The following SUPT3H variants were observed in gnomAD, a reference collection of about 807,000 sequenced individuals.
The protein encoded by SUPT3H is SPT3 homolog, SAGA and STAGA complex component, also known as transcription initiation protein SPT3 homolog.
Under a neutral mutation model 44.3 loss-of-function variants are expected in SUPT3H, and 44 were observed. The ratio of observed to expected loss-of-function variants is 0.99; its 90% CI spans 0.78 to 1.28. The LOEUF (loss-of-function observed/expected upper bound fraction) is 1.28, where lower values mean the gene tolerates loss of function less well. Ranked by LOEUF, SUPT3H falls within the 50% of genes most tolerant of loss-of-function variation. SUPT3H has a pLI of 0.00. For missense variants in SUPT3H, 380 were observed against 387.1 expected, an observed-to-expected ratio of 0.98 and a Z score of 0.15; for synonymous variants, 124 against 125.6, an observed-to-expected ratio of 0.99 and a Z score of 0.09.
At chr6:45,070,145 C>T (rs1794146871) in intron 3 of SUPT3H, among the ~76,000 whole-genome samples, 1 of 152,052 alleles carries the variant, frequency 6.6e-6, no homozygotes. Context: ...GCTATGAATC[C>T]AATGATATAT....
At chr6:44,894,369 G>A (rs565265854) in intron 10 of SUPT3H, among the ~76,000 whole-genome samples, 2 of 152,302 alleles carry the variant, frequency 1.3e-5, no homozygotes, top group South Asian at 4.1e-4. Context: ...TCACGTTTAA[G>A]TCTTTAATGC....
intron 10 of SUPT3H, among the ~76,000 whole-genome samples, chr6:44,884,207 G>T (rs996837663): frequency 1.3e-5 from 2 of 152,168 alleles, no homozygotes; most frequent in African/African-American, 4.8e-5. Context: ...GATATGAACA[G>T]ATACTTCTGA....
intron 3 of SUPT3H, among the ~76,000 whole-genome samples, chr6:45,046,926 T>A (rs893275660): frequency 1.3e-5 from 2 of 152,190 alleles, no homozygotes; most frequent in Admixed American, 6.5e-5. Flanking sequence ...TAATTTTTTG[T>A]GTACAGGTAT....
At chr6:44,960,842 A>G (rs1224398469) in intron 7 of SUPT3H, among the ~76,000 whole-genome samples, 2 of 152,182 alleles carry the variant, frequency 1.3e-5, no homozygotes, top group East Asian at 3.8e-4. Context: ...ATGTTTTCCT[A>G]TATTTTACTG....
At chr6:45,120,408 G>A (rs929935392) in intron 2 of SUPT3H, among the ~76,000 whole-genome samples, 1 of 58,510 alleles carries the variant, frequency 1.7e-5, no homozygotes, top group Non-Finnish European at 3.5e-5. Context: ...AACAGTGTGA[G>A]ACCTTGTCTA....
At chr6:44,809,128 G>T (rs1766344743), downstream of SUPT3H, among the ~76,000 whole-genome samples, 1 of 152,196 alleles carries the variant, frequency 6.6e-6, no homozygotes, top group Non-Finnish European at 1.5e-5. Flanking sequence ...AACAGATAGA[G>T]CACTGAGAAT....
chr6:44,989,214 G>GT (rs1189705178), intron 6 of SUPT3H, among the ~76,000 whole-genome samples: 1 of 152,118 alleles, frequency 6.6e-6, no homozygotes, highest in Non-Finnish European at 1.5e-5. Context: ...TACACTGCAT[G>GT]TATAAGTGAG....
intron 3 of SUPT3H, among the ~76,000 whole-genome samples, chr6:45,062,680 G>T (rs140397205): frequency 6.6e-6 from 1 of 152,154 alleles, no homozygotes; most frequent in Non-Finnish European, 1.5e-5. Flanking sequence ...TTCCCTTTCC[G>T]AGTCAAAGAA....
At chr6:44,980,244 C>CT (rs1778906543) in intron 6 of SUPT3H, among the ~76,000 whole-genome samples, 1 of 146,008 alleles carries the variant, frequency 6.8e-6, no homozygotes, top group Non-Finnish European at 1.5e-5. Context: ...TACCCTTTCT[C>CT]TAAAAAAAAA....
intron 2 of SUPT3H, among the ~76,000 whole-genome samples, chr6:45,117,894 A>T (rs1380351654): frequency 6.6e-6 from 1 of 152,078 alleles, no homozygotes; most frequent in Non-Finnish European, 1.5e-5. Flanking sequence ...AACATTAAGA[A>T]AAAGTTCATC....
chr6:45,075,443 A>C (rs1214569157), intron 3 of SUPT3H, among the ~76,000 whole-genome samples: 2 of 152,138 alleles, frequency 1.3e-5, no homozygotes, highest in African/African-American at 4.8e-5. Context: ...CAACAGTATT[A>C]ATCATCTACA....
rs1491206167 is a variant in SUPT3H at position 44,928,882 on chromosome 6, C to CAAAATAAATAAATAAAAAA, written c.912+3770_912+3771insTTTTTTATTTATTTATTTT. 9.7e-5 allele frequency among the ~76,000 whole-genome samples: 2 copies of CAAAATAAATAAATAAAAAA among 20,650 alleles called. 1 individual carries two copies. Among genetic ancestry groups the CAAAATAAATAAATAAAAAA allele is most frequent in the African/African-American group, 6.3e-4 (2 of 3,172 alleles). The allele number at this position is 20,650 out of a possible 152,430, so 13.5% of individuals were successfully genotyped here. On this transcript the variant is annotated intron_variant, in intron 10 of 10. Transcript: ENST00000371459. ...TGGGCGACAGAACGAGACTCCGTCT[C>CAAAATAAATAAATAAAAAA]AAAAAAAAAAAAAAAAAAAAAAGAA...
intron 2 of SUPT3H, among the ~76,000 whole-genome samples, chr6:45,225,776 A>C (rs918042076): frequency 6.6e-6 from 1 of 152,196 alleles, no homozygotes; most frequent in Non-Finnish European, 1.5e-5. Context: ...ACATTATTAA[A>C]TACATACAAA....
chr6:45,345,016 T>C (rs1336300700), intron 2 of SUPT3H, among the ~76,000 whole-genome samples: 1 of 152,206 alleles, frequency 6.6e-6, no homozygotes, highest in Non-Finnish European at 1.5e-5. Flanking sequence ...TTTAGCAAAC[T>C]GATTTATGTA....
At chr6:44,950,410 T>C (rs1774097468) in intron 9 of SUPT3H, among the ~76,000 whole-genome samples, 1 of 152,206 alleles carries the variant, frequency 6.6e-6, no homozygotes, top group African/African-American at 2.4e-5. Flanking sequence ...TTCCTCATCA[T>C]CAATCATACC....
intron 3 of SUPT3H, among the ~76,000 whole-genome samples, chr6:45,033,585 G>A (rs1787267982): frequency 6.6e-6 from 1 of 152,064 alleles, no homozygotes; most frequent in Admixed American, 6.6e-5. Flanking sequence ...ACTATGAAAA[G>A]TTTATTCTAA....
At chr6:45,175,351 A>G (rs745694830) in intron 2 of SUPT3H, among the ~76,000 whole-genome samples, 1 of 152,214 alleles carries the variant, frequency 6.6e-6, no homozygotes, top group Admixed American at 6.5e-5. Flanking sequence ...ACTTACAGTC[A>G]CGGTGAAAGG....
intron 3 of SUPT3H, among the ~76,000 whole-genome samples, chr6:45,070,739 C>CAA (rs11393241): frequency 0.63 from 66,081 of 104,642 alleles, 20,805 homozygotes; most frequent in East Asian, 0.82. Flanking sequence ...CTGTCTCAAA[C>CAA]AAAAAAAAAA....
intron 3 of SUPT3H, among the ~76,000 whole-genome samples, chr6:45,041,902 C>T (rs1161843928): frequency 1.3e-5 from 2 of 152,066 alleles, no homozygotes; most frequent in Non-Finnish European, 2.9e-5. Flanking sequence ...ATGGGCTTAT[C>T]CTACAAAGTA....
Sources: allele counts gnomAD v4.1 joint callset (sites outside exome capture counted in the v4.1 genomes callset), GRCh38; gene constraint gnomAD v4.1.1; transcripts MANE v1.5; gene names NCBI Gene and HGNC (gene_info 2026-07-23, HGNC 2026-07-21).